Variants in CAPN8 observed in about 807,000 individuals in gnomAD.
CAPN8 encodes the protein calpain-8.
A neutral mutation model predicts 80.9 loss-of-function variants in CAPN8; 87 were observed. The observed-to-expected ratio is 1.07, with a 90% CI of 0.90 to 1.28. The LOEUF is 1.28. Ranked by LOEUF, CAPN8 falls within the 50% of genes most tolerant of loss-of-function variation. The pLI is 0.00. For synonymous variants in CAPN8, 299 were observed against 273.8 expected, an observed-to-expected ratio of 1.09 and a Z score of -0.91; for missense variants, 757 against 702.0, an observed-to-expected ratio of 1.08 and a Z score of -0.89.
intron 2 of CAPN8, among the ~76,000 whole-genome samples, chr1:223,634,109 A>G (rs1572247209): frequency 6.6e-6 from 1 of 152,214 alleles, no homozygotes; most frequent in South Asian, 2.1e-4. Flanking sequence ...TACACAGAAG[A>G]TGAGAGACAA....
chr1:223,654,345 A>G lies in CAPN8; in HGVS notation c.292T>C (p.Cys98Arg), dbSNP rs1476884294. 3 of 1,551,554 alleles carry G rather than the reference A, an allele frequency of 1.9e-6. No individual in the cohort carries two copies. In the African/African-American group the frequency reaches 4.1e-5, roughly 21 times the overall value. The change falls in exon 2 of 21, where the codon TGT (cysteine) becomes CGT (arginine). Residue 98 changes from cysteine to arginine, a missense_variant. Cys to Arg is a radical substitution (Grantham distance 180). Coordinates refer to ENST00000366872, the MANE Select transcript of CAPN8 (RefSeq NM_001143962.2). ...IVGGATRTDICQGGLGDCWLL... is the reference protein window; with the variant it reads ...IVGGATRTDIRQGGLGDCWLL... ...AGTTACTCACCTAGACCACCCTGAC[A>G]AATGTCTGTGCGCGTGGCTCCACCA...
intron 14 of CAPN8, among the ~76,000 whole-genome samples, chr1:223,552,639 C>A (rs1656823916): frequency 6.6e-6 from 1 of 151,692 alleles, no homozygotes; most frequent in East Asian, 1.9e-4. Flanking sequence ...ATTAGCCTGC[C>A]AGGAAAGAAA....
intron 7 of CAPN8, among the ~76,000 whole-genome samples, chr1:223,622,028 A>C (rs150868240): frequency 2.4e-4 from 36 of 151,964 alleles, no homozygotes; most frequent in Admixed American, 1.2e-3. Flanking sequence ...CTGGTCTCGA[A>C]CTCCTGAGCT....
intron 2 of CAPN8, 171 bp from the exon 3 acceptor site, chr1:223,628,951 T>C: frequency 1.7e-6 from 1 of 592,034 alleles, no homozygotes; most frequent in Non-Finnish European, 3.0e-6. Flanking sequence ...CAGCTTCTTC[T>C]GCCTCCTTGG....
rs768725032 is a variant in CAPN8, at chr1:223,544,120, C to G, written c.1976G>C (p.Gly659Ala). 1.4e-6 allele frequency: 1 copy of G among 718,278 alleles called. No homozygotes were observed. The highest frequency in any genetic ancestry group is 2.6e-6 in the Non-Finnish European group (1 of 385,112). The allele number at this position is 718,278 out of a possible 1,614,324, so 44.5% of individuals were successfully genotyped here. A position where few individuals can be genotyped will look rare whatever the true frequency, so the allele number is the denominator to read the frequency against. Residue 659 changes from glycine (G) to alanine (A), a missense_variant, in exon 19 of 21, where the codon GGC becomes GCC. By Grantham distance (60) the Gly-to-Ala change is moderately conservative. Coordinates refer to ENST00000366872, the MANE Select transcript of CAPN8 (RefSeq NM_001143962.2). ...IALRYACSKL[G>A]INFDSFVACM... ...AGCCACGAAGCTGTCAAAGTTGATG[C>G]CAAGCTTGCTGCACGCATACCGCAG...
At chr1:223,616,241 A>C (rs1657185122) in intron 9 of CAPN8, 96 bp from the exon 10 acceptor site, 16 of 1,341,896 alleles carry the variant, frequency 1.2e-5, no homozygotes, top group Non-Finnish European at 1.5e-5. Context: ...ATCCTAATGA[A>C]TGCACAGCTC....
chr1:223,619,347 A>C lies in CAPN8; in HGVS notation c.1081T>G (p.Phe361Val), dbSNP rs904895184. Residue 361 changes from phenylalanine to valine, a missense_variant, in exon 9 of 21, where the codon TTC becomes GTC. Coordinates refer to ENST00000366872, the MANE Select transcript of CAPN8 (RefSeq NM_001143962.2). Reference protein sequence around the residue: ...EEVHKWNLVLFNGHWTRGSTA... With the variant: ...EEVHKWNLVLVNGHWTRGSTA... ...GAGCCCCGGGTCCAGTGGCCGTTGAACAGGACCAGGTTCCATTTGTGCACC... is the reference window on the plus strand; with the variant it reads ...GAGCCCCGGGTCCAGTGGCCGTTGACCAGGACCAGGTTCCATTTGTGCACC... 1 of 1,551,664 alleles carries C rather than the reference A, an allele frequency of 6.4e-7. No individual in the cohort carries two copies.
At chr1:223,614,748 A>G (rs1427759790) in intron 10 of CAPN8, among the ~76,000 whole-genome samples, 1 of 152,160 alleles carries the variant, frequency 6.6e-6, no homozygotes, top group African/African-American at 2.4e-5. Context: ...CTCAGCTTTC[A>G]GCACAGCACC....
intron 2 of CAPN8, among the ~76,000 whole-genome samples, chr1:223,651,446 T>C (rs970984153): frequency 2.6e-5 from 4 of 152,226 alleles, no homozygotes; most frequent in Non-Finnish European, 5.9e-5. Flanking sequence ...CTAAAATATG[T>C]CTTCAAGAAA....
At chr1:223,623,485 C>A (rs192077165) in intron 6 of CAPN8, among the ~76,000 whole-genome samples, 2 of 152,302 alleles carry the variant, frequency 1.3e-5, no homozygotes, top group East Asian at 3.9e-4. Flanking sequence ...AAAGCCCATA[C>A]TCCTAAATCC....
chr1:223,545,100 A>G (rs61823525), intron 17 of CAPN8, 131 bp downstream of exon 17: 366,130 of 1,465,338 alleles, frequency 0.25, 47,254 homozygotes, highest in African/African-American at 0.41. Context: ...TTGTTCCTTC[A>G]TGACCAATGT....
chr1:223,652,087 C>G (rs1434990344), intron 2 of CAPN8, among the ~76,000 whole-genome samples: 1 of 152,108 alleles, frequency 6.6e-6, no homozygotes, highest in African/African-American at 2.4e-5. Context: ...TCACACAGAA[C>G]TCTATGAAAA....
chr1:223,658,728 A>G (rs924108475), intron 1 of CAPN8, among the ~76,000 whole-genome samples: 18 of 152,090 alleles, frequency 1.2e-4, no homozygotes, highest in African/African-American at 4.3e-4. Flanking sequence ...ATTGTTTGAA[A>G]CCAGGAGGCG....
chr1:223,558,302 T>C (rs1425980222), intron 12 of CAPN8, 135 bp from the exon 13 acceptor site: 7 of 393,818 alleles, frequency 1.8e-5, no homozygotes, highest in Non-Finnish European at 3.1e-5. Context: ...TACTAAAAAC[T>C]GCATAAACAG....
intron 18 of CAPN8, 163 bp from the exon 19 acceptor site, chr1:223,544,346 T>C (rs1656559542): frequency 1.6e-6 from 1 of 607,056 alleles, no homozygotes; most frequent in Non-Finnish European, 2.9e-6. Flanking sequence ...GAAGGTGTCC[T>C]GCCATCCATC....
At chr1:223,609,648 G>A (rs1028879446) in intron 11 of CAPN8, among the ~76,000 whole-genome samples, 2 of 152,172 alleles carry the variant, frequency 1.3e-5, no homozygotes, top group Admixed American at 6.5e-5. Flanking sequence ...GGTCTCTAGT[G>A]TGCGCTCAGC....
intron 2 of CAPN8, among the ~76,000 whole-genome samples, chr1:223,633,294 A>G (rs1657824967): frequency 6.6e-6 from 1 of 152,062 alleles, no homozygotes; most frequent in African/African-American, 2.4e-5. Context: ...TTTCAAATAC[A>G]CACATTGCAC....
At chr1:223,556,947 A>C (rs1297000468) in intron 13 of CAPN8, among the ~76,000 whole-genome samples, 1 of 152,100 alleles carries the variant, frequency 6.6e-6, no homozygotes, top group Non-Finnish European at 1.5e-5. Flanking sequence ...GAGGGGTAGG[A>C]GGGAAAATTC....
At chr1:223,657,364 A>G (rs566288902) in intron 1 of CAPN8, among the ~76,000 whole-genome samples, 3 of 152,212 alleles carry the variant, frequency 2.0e-5, no homozygotes, top group Non-Finnish European at 2.9e-5. Flanking sequence ...ATTTTAATTT[A>G]AATGTTGTTT....
Sources: gnomAD v4.1 joint callset for allele counts (sites outside exome capture counted in the v4.1 genomes callset) on GRCh38, gnomAD v4.1.1 for gene constraint, MANE v1.5 for transcripts, NCBI Gene and HGNC (gene_info 2026-07-23, HGNC 2026-07-21) for gene names.